Variants in DCAF6 observed in about 807,000 individuals in gnomAD.
DCAF6 encodes the protein DDB1- and CUL4-associated factor 6.
Under a neutral mutation model 125.1 loss-of-function variants are expected in DCAF6, and 54 were observed. The ratio of observed to expected loss-of-function variants is 0.43; its 90% confidence interval spans 0.35 to 0.54. DCAF6 has a LOEUF of 0.54. Ranked by LOEUF, DCAF6 falls within the 20% of genes least tolerant of loss-of-function variation. The probability of loss-of-function intolerance (pLI) is 0.01; values close to 1 mark genes in which losing one functional copy is unlikely to be tolerated. For missense variants in DCAF6, 934 were observed against 1,161.7 expected, an observed-to-expected ratio of 0.80 and a Z score of 2.85; for synonymous variants, 371 against 390.4, an observed-to-expected ratio of 0.95 and a Z score of 0.58.
the DCAF6 span, among the ~76,000 whole-genome samples, chr1:167,870,630 T>C: frequency 1.2e-5 from 1 of 86,562 alleles, no homozygotes; most frequent in African/African-American, 5.1e-5. Flanking sequence ...CTGCCTCTAC[T>C]GAAAATACAA....
At chr1:168,053,647 G>T (rs1690237306) in intron 17 of DCAF6, among the ~76,000 whole-genome samples, 1 of 152,176 alleles carries the variant, frequency 6.6e-6, no homozygotes. Context: ...TACTTCTGTA[G>T]TTTTTCTGCC....
Position 167,936,822 on chromosome 1 carries a change from G to A in DCAF6, c.-90G>A. ...GAGGCCCGGCGCGCGGATGGTGCCG[G>A]TGCGGCTCGGGTGTTGAAACGGGTG... On this transcript the variant is annotated 5_prime_UTR_variant, in exon 1 of 22. It adds an upstream start codon to the 5' untranslated region. Transcript: ENST00000367840. 3 of 1,198,468 alleles carry A rather than the reference G, an allele frequency of 2.5e-6. No homozygotes were observed. Among genetic ancestry groups the A allele is most frequent in the South Asian group, 1.3e-5 (1 of 74,554 alleles). The allele number at this position is 1,198,468 out of a possible 1,614,324, so 74.2% of individuals were successfully genotyped here. A position where few individuals can be genotyped will look rare whatever the true frequency, so the allele number is the denominator to read the frequency against.
At chr1:167,913,253 A>T in the DCAF6 span, among the ~76,000 whole-genome samples, 1 of 152,232 alleles carries the variant, frequency 6.6e-6, no homozygotes, top group Admixed American at 6.5e-5. Flanking sequence ...GCGGAGTGTG[A>T]GTAAAGAAAA....
chr1:167,980,135 C>T (rs1452883418), intron 4 of DCAF6, among the ~76,000 whole-genome samples: 2 of 152,030 alleles, frequency 1.3e-5, no homozygotes, highest in Non-Finnish European at 2.9e-5. Context: ...GAGCTGAGAT[C>T]GTGTCACTGC....
intron 11 of DCAF6, among the ~76,000 whole-genome samples, chr1:168,020,173 G>T (rs1032326680): frequency 6.6e-6 from 1 of 152,108 alleles, no homozygotes; most frequent in Admixed American, 6.6e-5. Context: ...ATTTTACATG[G>T]ATTATCTCAT....
intron 13 of DCAF6, among the ~76,000 whole-genome samples, chr1:168,041,797 C>T (rs1688563732): frequency 6.6e-6 from 1 of 151,420 alleles, no homozygotes; most frequent in Non-Finnish European, 1.5e-5. Context: ...ATAGCTTTCT[C>T]AATGGAAAAA....
At chr1:167,950,648 C>G (rs1317008988) in intron 1 of DCAF6, among the ~76,000 whole-genome samples, 1 of 152,162 alleles carries the variant, frequency 6.6e-6, no homozygotes, top group Non-Finnish European at 1.5e-5. Flanking sequence ...CCCTTTGTGA[C>G]AGTATACAGA....
chr1:167,945,969 T>G (rs1457895857), intron 1 of DCAF6, among the ~76,000 whole-genome samples: 2 of 151,014 alleles, frequency 1.3e-5, no homozygotes. Flanking sequence ...TTTTTTTTTT[T>G]TTTTTGAGAC....
upstream of DCAF6, among the ~76,000 whole-genome samples, chr1:167,934,023 A>T (rs1670988894): frequency 6.6e-6 from 1 of 152,206 alleles, no homozygotes. Flanking sequence ...CACAGCCAAG[A>T]CTGAAACGTA....
At chr1:168,072,846 C>A (rs1401395077) in intron 21 of DCAF6, among the ~76,000 whole-genome samples, 1 of 152,120 alleles carries the variant, frequency 6.6e-6, no homozygotes, top group African/African-American at 2.4e-5. Flanking sequence ...AACTCAGTGT[C>A]TCTTCATATC....
intron 1 of DCAF6, among the ~76,000 whole-genome samples, chr1:167,945,005 G>C (rs550100368): frequency 6.6e-6 from 1 of 152,068 alleles, no homozygotes; most frequent in African/African-American, 2.4e-5. Context: ...TGTTCTTGTC[G>C]GCTTTGTCAA....
chr1:167,873,021 G>A, the DCAF6 span, among the ~76,000 whole-genome samples: 1 of 151,854 alleles, frequency 6.6e-6, no homozygotes, highest in African/African-American at 2.4e-5. Flanking sequence ...AGTGAGCTGA[G>A]ATCGCGCCAC....
At chr1:167,913,333 C>T in the DCAF6 span, among the ~76,000 whole-genome samples, 4 of 152,194 alleles carry the variant, frequency 2.6e-5, no homozygotes, top group South Asian at 8.3e-4. Flanking sequence ...CTAAATCTCT[C>T]CTCTAGAATT....
chr1:167,870,477 T>C, the DCAF6 span: 2 of 1,377,312 alleles, frequency 1.5e-6, no homozygotes, highest in South Asian at 2.4e-5. Flanking sequence ...ATATAAAAAG[T>C]CACATAGAAA....
chr1:167,986,333 ACT>A (rs1433767332), intron 4 of DCAF6, among the ~76,000 whole-genome samples: 4 of 151,996 alleles, frequency 2.6e-5, no homozygotes, highest in African/African-American at 4.8e-5. Context: ...GTGTTCCGTA[ACT>A]CCACATCCTC....
the DCAF6 span, among the ~76,000 whole-genome samples, chr1:167,909,927 G>A: frequency 2.8e-4 from 42 of 150,564 alleles, no homozygotes; most frequent in Admixed American, 9.3e-4. Context: ...AAGACCAGCC[G>A]GCGCCACTGA....
At chr1:167,938,556 G>C (rs1371228691) in intron 1 of DCAF6, among the ~76,000 whole-genome samples, 1 of 152,128 alleles carries the variant, frequency 6.6e-6, no homozygotes, top group African/African-American at 2.4e-5. Flanking sequence ...TTTTAAAATT[G>C]AACATAGCTG....
At chr1:167,884,734 G>T in the DCAF6 span, among the ~76,000 whole-genome samples, 3 of 126,340 alleles carry the variant, frequency 2.4e-5, no homozygotes, top group East Asian at 6.8e-4. Flanking sequence ...GTCTCGCTCT[G>T]TTGCTCAGGC....
upstream of DCAF6, among the ~76,000 whole-genome samples, chr1:167,932,724 G>A (rs1193497343): frequency 2.7e-5 from 4 of 148,552 alleles, no homozygotes; most frequent in Admixed American, 6.8e-5. Context: ...CAGGAGAATC[G>A]CTTGAACCCA....
Sources: allele counts gnomAD v4.1 joint callset (sites outside exome capture counted in the v4.1 genomes callset), GRCh38; gene constraint gnomAD v4.1.1; transcripts MANE v1.5; gene names NCBI Gene and HGNC (gene_info 2026-07-23, HGNC 2026-07-21).